PPEF1: variants seen among roughly 807,000 people sequenced by gnomAD.
The protein encoded by PPEF1 is protein phosphatase with EF-hand domain 1.
In PPEF1, 12 loss-of-function variants were observed where a neutral mutation model predicts 53.3. The ratio of observed to expected loss-of-function variants is 0.23; its 90% CI spans 0.14 to 0.36. The LOEUF (loss-of-function observed/expected upper bound fraction) is 0.36. Ranked by LOEUF, PPEF1 falls within the 10% of genes least tolerant of loss-of-function variation. PPEF1 has a pLI of 1.00. For missense variants in PPEF1, 334 were observed against 490.4 expected (o/e 0.68, Z 3.01); for synonymous variants, 165 against 176.7 (o/e 0.93, Z 0.52).
chrX:18,716,088 G>C (rs1476097765), intron 1 of PPEF1, among the ~76,000 whole-genome samples: 1 of 111,829 alleles, frequency 8.9e-6, no homozygotes, highest in African/African-American at 3.3e-5. Flanking sequence ...TGATGCGTAA[G>C]CTGTGACAAA....
chrX:18,780,277 C>A (rs1250484247), intron 7 of PPEF1, among the ~76,000 whole-genome samples: 1 of 111,852 alleles, frequency 8.9e-6, no homozygotes. Context: ...AGAAATATGG[C>A]TTTAGCCTGA....
chrX:18,721,994 C>T (rs1245679078), intron 1 of PPEF1, among the ~76,000 whole-genome samples: 1 of 111,970 alleles, frequency 8.9e-6, no homozygotes, highest in East Asian at 2.8e-4. Flanking sequence ...TGTGGCTGAG[C>T]GAGCCTCATA....
intron 1 of PPEF1, among the ~76,000 whole-genome samples, chrX:18,729,269 G>A (rs1325689807): frequency 3.6e-5 from 4 of 111,691 alleles, no homozygotes; most frequent in Non-Finnish European, 7.5e-5. Context: ...TGAATCATAC[G>A]TTTCCATCAG....
chrX:18,824,522 C>A (rs753830679), intron 14 of PPEF1, among the ~76,000 whole-genome samples: 3 of 111,485 alleles, frequency 2.7e-5, no homozygotes, highest in Non-Finnish European at 5.7e-5. Flanking sequence ...CTCCCAGGTA[C>A]ACTGTGGTCT....
intron 1 of PPEF1, among the ~76,000 whole-genome samples, chrX:18,727,752 A>G (rs777348778): frequency 1.8e-5 from 2 of 111,401 alleles, no homozygotes; most frequent in Non-Finnish European, 3.8e-5. Flanking sequence ...GGGGGTTCCC[A>G]TGACCCCCTC....
At chrX:18,701,120 A>T (rs6633125) in intron 6 of PPEF1, among the ~76,000 whole-genome samples, 6,189 of 112,186 alleles carry the variant, frequency 0.055, 429 homozygotes, top group African/African-American at 0.19. Context: ...GTGACAGTGA[A>T]CTGAAATAAT....
At chrX:18,788,254 G>A (rs961117642) in intron 9 of PPEF1, among the ~76,000 whole-genome samples, 2 of 92,965 alleles carry the variant, frequency 2.2e-5, no homozygotes, top group African/African-American at 8.4e-5. Flanking sequence ...GCAGTGAGCC[G>A]AGATCGCGCC....
At chrX:18,787,951 C>A in intron 9 of PPEF1, among the ~76,000 whole-genome samples, 1 of 110,628 alleles carries the variant, frequency 9.0e-6, no homozygotes, top group East Asian at 2.8e-4. Context: ...GAGACAGGAC[C>A]TCAGAATAAG....
At chrX:18,738,582 G>A (rs1456297495) in intron 3 of PPEF1, among the ~76,000 whole-genome samples, 2 of 111,397 alleles carry the variant, frequency 1.8e-5, no homozygotes, top group Non-Finnish European at 3.8e-5. Context: ...TCCAACTTTG[G>A]TGAATCTGAC....
intron 3 of PPEF1, among the ~76,000 whole-genome samples, chrX:18,745,917 C>CT (rs2045320613): frequency 8.9e-6 from 1 of 111,834 alleles, no homozygotes; most frequent in East Asian, 2.8e-4. Context: ...TGTTGCTTTT[C>CT]TTTTTCCAGC....
upstream of PPEF1, among the ~76,000 whole-genome samples, chrX:18,703,020 G>A (rs73458613): frequency 0.018 from 2,044 of 110,767 alleles, 56 homozygotes; most frequent in African/African-American, 0.064. Flanking sequence ...GCACTTAAAC[G>A]CTAACAGAGG....
At chrX:18,806,236 T>C (rs2046660028) in intron 11 of PPEF1, among the ~76,000 whole-genome samples, 167 bp from the exon 12 acceptor site, 1 of 111,304 alleles carries the variant, frequency 9.0e-6, no homozygotes, top group Non-Finnish European at 1.9e-5. Context: ...AGTAGCCTTG[T>C]TTTCCTCCGA....
chrX:18,685,696 A>G (rs1039233461), intron 2 of PPEF1, among the ~76,000 whole-genome samples: 27 of 108,114 alleles, frequency 2.5e-4, no homozygotes, highest in Non-Finnish European at 1.7e-4. Flanking sequence ...AAAAAAAAAA[A>G]AAAAAAAGAA....
chrX:18,773,022 T>C (rs776080170), intron 6 of PPEF1, among the ~76,000 whole-genome samples: 2 of 112,849 alleles, frequency 1.8e-5, no homozygotes, highest in African/African-American at 6.4e-5. Flanking sequence ...TCCAAAGTTG[T>C]ACATCATCAC....
intron 6 of PPEF1, among the ~76,000 whole-genome samples, chrX:18,766,065 C>CAAAAAAAAA (rs61277288): frequency 1.6e-5 from 1 of 63,979 alleles, no homozygotes; most frequent in African/African-American, 6.0e-5. Flanking sequence ...AACTCTGTCT[C>CAAAAAAAAA]AAAAAAAAAA....
At chrX:18,803,673 G>T (rs1394427156) in intron 10 of PPEF1, among the ~76,000 whole-genome samples, 1 of 111,450 alleles carries the variant, frequency 9.0e-6, no homozygotes, top group East Asian at 2.8e-4. Context: ...CCCAGGCTGG[G>T]CTTGAACTCC....
intron 1 of PPEF1, among the ~76,000 whole-genome samples, chrX:18,726,082 G>A (rs1432524491): frequency 2.7e-5 from 3 of 111,210 alleles, no homozygotes; most frequent in Admixed American, 9.6e-5. Flanking sequence ...ATGGCCAGGC[G>A]CAGTGGCTCA....
upstream of PPEF1, among the ~76,000 whole-genome samples, chrX:18,675,232 C>T (rs1186155261): frequency 3.5e-5 from 4 of 113,451 alleles, no homozygotes; most frequent in Non-Finnish European, 5.6e-5. Flanking sequence ...CCAAACTTTC[C>T]CTCAATCGAG....
At chrX:18,687,909 G>A (rs774317775) in intron 3 of PPEF1, among the ~76,000 whole-genome samples, 20 of 110,394 alleles carry the variant, frequency 1.8e-4, no homozygotes, top group East Asian at 1.4e-3. Context: ...GGCTGGTCTC[G>A]AACTTCAGAC....
Sources: allele counts gnomAD v4.1 joint callset (sites outside exome capture counted in the v4.1 genomes callset), GRCh38; gene constraint gnomAD v4.1.1; transcripts MANE v1.5; gene names NCBI Gene and HGNC (gene_info 2026-07-23, HGNC 2026-07-21).